Variants in ROBO4 observed in about 807,000 individuals in gnomAD.
ROBO4 encodes the protein roundabout guidance receptor 4.
A neutral mutation model predicts 103.3 loss-of-function variants in ROBO4; 80 were observed. The observed-to-expected ratio is 0.77, with a 90% confidence interval of 0.65 to 0.93. ROBO4 has a LOEUF of 0.93. Among genes scored for constraint, ROBO4 ranks in the 40% least tolerant of loss-of-function variants. The probability of loss-of-function intolerance (pLI) is 0.00; values close to 1 mark genes in which losing one functional copy is unlikely to be tolerated. For synonymous variants in ROBO4, 504 were observed against 529.7 expected (o/e 0.95, Z 0.67); for missense variants, 1,333 against 1,305.3 (o/e 1.02, Z -0.33).
intron 10 of ROBO4, 198 bp from the exon 11 acceptor site, chr11:124,892,000 C>G: frequency 2.7e-6 from 2 of 732,938 alleles, no homozygotes; most frequent in South Asian, 3.0e-5. Context: ...CTTTCTTATT[C>G]CTGGATGAGG....
Position 124,893,702 on chromosome 11 carries a change from G to A in ROBO4, c.1533C>T (p.Ala511=). 6.2e-7 allele frequency: 1 copy of A among 1,613,970 alleles called. No homozygotes were observed. The change falls in exon 10 of 18, where the codon GCC becomes GCT. Residue 511 remains alanine, a synonymous_variant. Transcript: ENST00000306534. ...TCACCTCTCACCTGTGTTTTAGGAT[G>A]GCATCCTCACTGGTATATCTGTACA... The part of the protein sequence containing the change: ...PGLYRYTSED[A]ILKHRMDHSD...
chr11:124,893,674 C>T lies in ROBO4; in HGVS notation c.1547+14G>A, dbSNP rs775405259. 18 of 1,613,436 alleles carry T rather than the reference C, an allele frequency of 1.1e-5. No individual in the cohort carries two copies. The highest frequency in any genetic ancestry group is 1.5e-5 in the Non-Finnish European group (18 of 1,179,504). ...CACCCTCCCTTACTTCAGACCTCCC[C>T]TTTCACCTCTCACCTGTGTTTTAGG... On this transcript the variant is annotated intron_variant, in intron 10 of 17. Transcript: ENST00000306534.
chr11:124,895,917 G>C lies in ROBO4; in HGVS notation c.680-5C>G, dbSNP rs757152106. 1.2e-6 allele frequency: 2 copies of C among 1,613,192 alleles called. No individual in the cohort carries two copies. The highest frequency in any genetic ancestry group is 1.7e-6 in the Non-Finnish European group (2 of 1,179,984). On this transcript the variant is annotated splice_region_variant and splice_polypyrimidine_tract_variant and intron_variant, in intron 4 of 17. Coordinates refer to ENST00000306534, the MANE Select transcript of ROBO4 (RefSeq NM_019055.6). Reference sequence around the variant, plus strand: ...GCTCCGTGTAGTCCTGGGGCTCTGTGGGGAGGATAGGGCTGGGCTGGGGCT... The same window carrying C: ...GCTCCGTGTAGTCCTGGGGCTCTGTCGGGAGGATAGGGCTGGGCTGGGGCT...
At position 124,884,753 on chromosome 11, in the gene ROBO4, G is replaced by C; in HGVS notation, c.*138C>G. On this transcript the variant is annotated 3_prime_UTR_variant, in exon 18 of 18. Coordinates refer to ENST00000306534, the MANE Select transcript of ROBO4 (RefSeq NM_019055.6). ...ATTTGTTTTCACAATCGTGGAGGGA[G>C]AACTCTCTGGAGGCTTGGGAAGGTG... 1.1e-6 allele frequency: 1 copy of C among 943,522 alleles called. No homozygotes were observed. The highest frequency in any genetic ancestry group is 1.7e-6 in the Non-Finnish European group (1 of 586,990). 58.4% of individuals were successfully genotyped at this position (943,522 alleles called of 1,614,324 possible). A position where few individuals can be genotyped will look rare whatever the true frequency, so the allele number is the denominator to read the frequency against.
intron 12 of ROBO4, among the ~76,000 whole-genome samples, chr11:124,890,149 CT>C (rs987494223): frequency 1.3e-5 from 2 of 152,042 alleles, no homozygotes; most frequent in African/African-American, 2.4e-5. Flanking sequence ...ACTATTCCAC[CT>C]TTTTTTTAGC....
chr11:124,896,883 G>T, intron 2 of ROBO4, 49 bp downstream of exon 2: 1 of 1,580,932 alleles, frequency 6.3e-7, no homozygotes, highest in Non-Finnish European at 8.6e-7. Context: ...CAGCTCAGAT[G>T]TCTCCACCCA....
chr11:124,895,506 C>T lies in ROBO4; in HGVS notation c.987G>A (p.Arg329=). The part of the protein sequence containing the change: ...YEFKVRPSSG[R]ARGPDSNVLL... ...GCACGTTGCTGTCAGGGCCTCGAGC[C>T]CGGCCAGAGGATGGTCTCACTTTGA... is the stretch of plus-strand genomic sequence containing the variant. Residue 329 remains arginine, a synonymous_variant, in exon 6 of 18, where the codon CGG becomes CGA. Transcript: ENST00000306534. 6.2e-7 allele frequency: 1 copy of T among 1,611,472 alleles called. No homozygotes were observed. The highest frequency in any genetic ancestry group is 8.5e-7 in the Non-Finnish European group (1 of 1,180,006).
chr11:124,889,098 G>A (rs1246203333), intron 12 of ROBO4, among the ~76,000 whole-genome samples: 2 of 152,204 alleles, frequency 1.3e-5, no homozygotes, highest in African/African-American at 4.8e-5. Flanking sequence ...TGTACTAGTG[G>A]CCAGACCTTC....
Position 124,884,932 on chromosome 11 carries a change from A to G in ROBO4, c.3002-19T>C. ...GGAGAAGCTGAAGGACAGTGGAGTT[A>G]TCTCCCTTGCTCCTTATCTCCCTTC... On this transcript the variant is annotated intron_variant, in intron 17 of 17. Coordinates refer to ENST00000306534, the MANE Select transcript of ROBO4 (RefSeq NM_019055.6). 1 of 1,614,118 alleles carries G rather than the reference A, an allele frequency of 6.2e-7. No individual in the cohort carries two copies. Among genetic ancestry groups the G allele is most frequent in the Non-Finnish European group, 8.5e-7 (1 of 1,179,996 alleles).
Position 124,885,023 on chromosome 11 carries a change from A to G in ROBO4, c.3001+18T>C. ...TCTGGTCAAGATGAACACATTAGCC[A>G]GGAAGACAGACACTCACCACCAGCC... is the stretch of plus-strand genomic sequence containing the variant. On this transcript the variant is annotated intron_variant, in intron 17 of 17. Coordinates refer to ENST00000306534, the MANE Select transcript of ROBO4 (RefSeq NM_019055.6). The G allele has an allele frequency of 6.2e-7, 1 of 1,614,010 alleles. No individual in the cohort carries two copies. Among genetic ancestry groups the G allele is most frequent in the South Asian group, 1.1e-5 (1 of 91,080 alleles).
At chr11:124,890,232 G>A (rs1037484110) in intron 12 of ROBO4, among the ~76,000 whole-genome samples, 22 of 152,144 alleles carry the variant, frequency 1.4e-4, no homozygotes, top group African/African-American at 4.8e-4. Context: ...TGCCAGCTTC[G>A]CTGATATTTA....
Position 124,896,503 on chromosome 11 carries a change from C to T in ROBO4, c.558+10G>A. 2 of 1,612,674 alleles carry T rather than the reference C, an allele frequency of 1.2e-6. No homozygotes were observed. The highest frequency in any genetic ancestry group is 1.3e-5 in the African/African-American group (1 of 75,028). On this transcript the variant is annotated intron_variant, in intron 3 of 17. Coordinates refer to ENST00000306534, the MANE Select transcript of ROBO4 (RefSeq NM_019055.6). Reference sequence around the variant, plus strand: ...CCAGGATGAAGTGTGGGGGAGGGGGCCACACTTACTGTGTGCCTTCCGGGC... The same window carrying T: ...CCAGGATGAAGTGTGGGGGAGGGGGTCACACTTACTGTGTGCCTTCCGGGC...
rs200670182 is a variant in ROBO4 at position 124,886,501 on chromosome 11, G to A, written c.2757C>T (p.Phe919=). ...AGTCTGCCTCCCTGGGCTCTAGACCGAAACCAAAGCTATCCACAGCCACTG... is the reference window on the plus strand; with the variant it reads ...AGTCTGCCTCCCTGGGCTCTAGACCAAAACCAAAGCTATCCACAGCCACTG... The part of the protein sequence containing the change: ...ALAVAVDSFG[F]GLEPREADCV... Residue 919 remains phenylalanine (F), a synonymous_variant, in exon 16 of 18, where the codon TTC becomes TTT. Transcript: ENST00000306534. 37 of 1,614,164 alleles carry A rather than the reference G, an allele frequency of 2.3e-5. No homozygotes were observed. The Middle Eastern group carries it at 8.3e-4, about 36-fold the overall frequency.
At chr11:124,894,980 C>T in intron 7 of ROBO4, 101 bp downstream of exon 7, 1 of 907,940 alleles carries the variant, frequency 1.1e-6, no homozygotes, top group Admixed American at 2.0e-5. Flanking sequence ...CTTCTCTGCC[C>T]AGGTACCTTT....
Position 124,884,597 on chromosome 11 carries a change from G to A in ROBO4, c.*294C>T. ...TGGGGGAAGAGCAGCAGGCAGGGCT[G>A]CTCCTCAGGCCAAAACAACCTGGTG... is the stretch of plus-strand genomic sequence containing the variant. On this transcript the variant is annotated 3_prime_UTR_variant, in exon 18 of 18. Coordinates refer to ENST00000306534, the MANE Select transcript of ROBO4 (RefSeq NM_019055.6). 2 of 510,130 alleles carry A rather than the reference G, an allele frequency of 3.9e-6. No homozygotes were observed. The highest frequency in any genetic ancestry group is 7.0e-6 in the Non-Finnish European group (2 of 286,118). 31.6% of individuals were successfully genotyped at this position (510,130 alleles called of 1,614,324 possible).
chr11:124,887,412 G>A lies in ROBO4; in HGVS notation c.2144C>T (p.Pro715Leu), dbSNP rs763667331. ...SSNELVTRHL[P>L]PAPLFPHETP... ...TTCATGAGGAAAGAGGGGTGCTGGA[G>A]GGAGATGACGAGTAACCAGCTCATT... The change falls in exon 14 of 18, where the codon CCT (proline) becomes CTT (leucine). Residue 715 changes from proline to leucine, a missense_variant. Transcript: ENST00000306534. The A allele has an allele frequency of 2.4e-5, 39 of 1,613,956 alleles. No individual in the cohort carries two copies. The highest frequency in any genetic ancestry group is 3.4e-6 in the Non-Finnish European group (4 of 1,179,984).
chr11:124,884,897 G>A lies in ROBO4; in HGVS notation c.3018C>T (p.Tyr1006=). ...MPKAGASPVD[Y]S ...GAAGTCTCAGGGACACGGTTCAGGA[G>A]TAATCTACAGGAGAAGCTGAAGGAC... Residue 1006 remains tyrosine (Y), a synonymous_variant, in exon 18 of 18, where the codon TAC becomes TAT. Transcript: ENST00000306534. 1 of 1,614,214 alleles carries A rather than the reference G, an allele frequency of 6.2e-7. No homozygotes were observed.
rs1200227459 is a variant in ROBO4, at chr11:124,895,521, TCTCA to T, written c.968_971del (p.Val323AspfsTer17). On this transcript the variant is annotated frameshift_variant, in exon 6 of 18. Coordinates refer to ENST00000306534, the MANE Select transcript of ROBO4 (RefSeq NM_019055.6). LOFTEE classifies it high-confidence loss of function. ...GGCCTCGAGCCCGGCCAGAGGATGG[TCTCA>T]CTTTGAACTCGTAGTCTTGGCCCCA... 1 of 1,611,782 alleles carries T rather than the reference TCTCA, an allele frequency of 6.2e-7. No homozygotes were observed. Among genetic ancestry groups the T allele is most frequent in the African/African-American group, 1.3e-5 (1 of 75,022 alleles).
chr11:124,895,106 T>C lies in ROBO4; in HGVS notation c.1124A>G (p.His375Arg), dbSNP rs1414738064. 1.9e-6 allele frequency: 3 copies of C among 1,614,082 alleles called. No individual in the cohort carries two copies. Among genetic ancestry groups the C allele is most frequent in the African/African-American group, 2.7e-5 (2 of 75,032 alleles). ...CTGGTAGCCACGGATGATGCCATTG[T>C]GGTTTTCAGCAGGTGGTGGGACCCA... ...VSWVPPPAEN[H>R]NGIIRGYQVW... is the part of the protein sequence containing the mutation. The change falls in exon 7 of 18, where the codon CAC (histidine) becomes CGC (arginine). Residue 375 changes from histidine (H) to arginine (R), a missense_variant. Coordinates refer to ENST00000306534, the MANE Select transcript of ROBO4 (RefSeq NM_019055.6).
Sources: allele counts gnomAD v4.1 joint callset (sites outside exome capture counted in the v4.1 genomes callset), GRCh38; gene constraint gnomAD v4.1.1; transcripts MANE v1.5; gene names NCBI Gene and HGNC (gene_info 2026-07-23, HGNC 2026-07-21).